TMEM87B: variants seen among roughly 807,000 people sequenced by gnomAD.
The protein encoded by TMEM87B is transmembrane protein 87B.
TMEM87B carries 83 observed loss-of-function variants against 80.3 expected under a neutral mutation model. The observed-to-expected ratio is 1.03, with a 90% CI of 0.87 to 1.24. TMEM87B has a LOEUF of 1.24. Among genes scored for constraint, TMEM87B ranks in the 50% most tolerant of loss-of-function variants. The pLI, the probability that TMEM87B is intolerant of heterozygous loss-of-function variation, is 0.00. For missense variants in TMEM87B, 625 were observed against 674.4 expected, an observed-to-expected ratio of 0.93 and a Z score of 0.81; for synonymous variants, 219 against 230.5, an observed-to-expected ratio of 0.95 and a Z score of 0.45.
chr2:112,089,186 C>T (rs550063684), intron 9 of TMEM87B, among the ~76,000 whole-genome samples: 1 of 152,346 alleles, frequency 6.6e-6, no homozygotes, highest in East Asian at 1.9e-4. Context: ...ATGTCCTGCT[C>T]TTCCTCTGCC....
At chr2:112,106,186 G>A (rs934319570) in intron 16 of TMEM87B, 111 bp downstream of exon 16, 1 of 717,788 alleles carries the variant, frequency 1.4e-6, no homozygotes, top group South Asian at 4.2e-5. Flanking sequence ...TTTTTACTAA[G>A]ATTTTGTTGT....
chr2:112,112,939 A>G lies in TMEM87B; in HGVS notation c.1608+10A>G, dbSNP rs1558854476. The G allele has an allele frequency of 3.7e-6, 6 of 1,610,320 alleles. No homozygotes were observed. Among genetic ancestry groups the G allele is most frequent in the Non-Finnish European group, 4.2e-6 (5 of 1,177,524 alleles). ...AGTGGATTCAGATGAGGTAAAATAT[A>G]TTTTTGCATATTTCCTTGGAGCTGA... On this transcript the variant is annotated intron_variant, in intron 18 of 18. Coordinates refer to ENST00000283206, the MANE Select transcript of TMEM87B (RefSeq NM_032824.3).
rs377223360 is a variant in TMEM87B, at chr2:112,086,041, C to T, written c.875C>T (p.Ala292Val). ...TTGATATTTGCGGAGTTGATTTCTG[C>T]GATTAAGAGGACGTTGGCTCGCCTT... ...GLLIFAELIS[A>V]IKRTLARLLV... Residue 292 changes from alanine (A) to valine (V), a missense_variant, in exon 9 of 19, where the codon GCG becomes GTG. Coordinates refer to ENST00000283206, the MANE Select transcript of TMEM87B (RefSeq NM_032824.3). 59 of 1,613,972 alleles carry T rather than the reference C, an allele frequency of 3.7e-5. No individual in the cohort carries two copies. The highest frequency in any genetic ancestry group is 9.3e-5 in the African/African-American group (7 of 74,906).
intron 11 of TMEM87B, among the ~76,000 whole-genome samples, chr2:112,094,789 C>G (rs997189921): frequency 7.9e-5 from 12 of 152,106 alleles, no homozygotes; most frequent in African/African-American, 2.9e-4. Flanking sequence ...CAAAGGAAGT[C>G]TAGTGTCTAT....
At chr2:112,067,271 A>G (rs1176456863) in intron 4 of TMEM87B, among the ~76,000 whole-genome samples, 2 of 152,176 alleles carry the variant, frequency 1.3e-5, no homozygotes, top group Non-Finnish European at 2.9e-5. Flanking sequence ...TAACTTGTAA[A>G]TTTTTAGGTT....
chr2:112,064,803 C>G (rs1406803321), intron 3 of TMEM87B, among the ~76,000 whole-genome samples: 1 of 152,126 alleles, frequency 6.6e-6, no homozygotes, highest in Non-Finnish European at 1.5e-5. Flanking sequence ...TGATGATTCT[C>G]GTGATAGTTG....
intron 6 of TMEM87B, 133 bp downstream of exon 6, chr2:112,077,415 T>G (rs1678859462): frequency 4.6e-6 from 2 of 435,842 alleles, no homozygotes; most frequent in Non-Finnish European, 8.4e-6. Context: ...TACATTTATT[T>G]TAGATACTTA....
intron 18 of TMEM87B, among the ~76,000 whole-genome samples, chr2:112,113,143 G>GA (rs1415827617): frequency 4.6e-5 from 7 of 152,210 alleles, no homozygotes; most frequent in Non-Finnish European, 8.8e-5. Flanking sequence ...TGGTATGAAG[G>GA]AAATGAAGGG....
chr2:112,112,072 A>G (rs1376095492), intron 17 of TMEM87B, among the ~76,000 whole-genome samples: 1 of 152,124 alleles, frequency 6.6e-6, no homozygotes, highest in East Asian at 1.9e-4. Flanking sequence ...ACACCTAGTC[A>G]GTCTCCTGGC....
chr2:112,080,192 G>A (rs1678948384), intron 6 of TMEM87B, among the ~76,000 whole-genome samples: 1 of 151,840 alleles, frequency 6.6e-6, no homozygotes, highest in East Asian at 1.9e-4. Flanking sequence ...GCCTCCCAAA[G>A]TGCTGGGATT....
At chr2:112,097,014 C>A in intron 11 of TMEM87B, 30 bp from the exon 12 acceptor site, 5 of 1,373,340 alleles carry the variant, frequency 3.6e-6, no homozygotes, top group Non-Finnish European at 5.1e-6. Flanking sequence ...CTTATTATTA[C>A]TTGGAATGTT....
intron 9 of TMEM87B, among the ~76,000 whole-genome samples, chr2:112,088,028 G>A (rs935198228): frequency 1.1e-4 from 16 of 152,170 alleles, no homozygotes; most frequent in East Asian, 9.6e-4. Flanking sequence ...TCCGGCCCCC[G>A]GGGGCCCAGG....
chr2:112,068,504 A>G (rs1219906887), intron 4 of TMEM87B, among the ~76,000 whole-genome samples: 1 of 152,098 alleles, frequency 6.6e-6, no homozygotes, highest in Non-Finnish European at 1.5e-5. Flanking sequence ...GGAGATCGAG[A>G]CCATCCTGGC....
At chr2:112,063,068 G>T (rs1235358588) in intron 2 of TMEM87B, among the ~76,000 whole-genome samples, 2 of 152,176 alleles carry the variant, frequency 1.3e-5, no homozygotes, top group Non-Finnish European at 2.9e-5. Flanking sequence ...GTCTCAGTTT[G>T]GTTTCGCTCT....
intron 2 of TMEM87B, among the ~76,000 whole-genome samples, chr2:112,062,854 C>G (rs542586097): frequency 8.5e-4 from 130 of 152,258 alleles, no homozygotes; most frequent in Non-Finnish European, 8.2e-4. Flanking sequence ...TCCACTCTGG[C>G]TAGTGGAAAC....
intron 17 of TMEM87B, among the ~76,000 whole-genome samples, chr2:112,109,964 C>A (rs1456591184): frequency 6.6e-6 from 1 of 151,954 alleles, no homozygotes; most frequent in African/African-American, 2.4e-5. Context: ...CGGGGTTTCA[C>A]CATGTTGGCC....
At chr2:112,063,009 T>C (rs1340679710) in intron 2 of TMEM87B, among the ~76,000 whole-genome samples, 2 of 152,226 alleles carry the variant, frequency 1.3e-5, no homozygotes, top group African/African-American at 4.8e-5. Flanking sequence ...TCTTGGGTAC[T>C]GTCCCCCAGA....
At chr2:112,107,497 T>C (rs1248000650) in intron 16 of TMEM87B, among the ~76,000 whole-genome samples, 1 of 152,112 alleles carries the variant, frequency 6.6e-6, no homozygotes, top group Non-Finnish European at 1.5e-5. Context: ...CTATTTTCTA[T>C]CTTACAAATG....
At chr2:112,092,283 G>A (rs938867149) in intron 11 of TMEM87B, among the ~76,000 whole-genome samples, 16 of 152,168 alleles carry the variant, frequency 1.1e-4, no homozygotes, top group African/African-American at 3.6e-4. Context: ...AAGAACGGAG[G>A]GGAGCAAATG....
Sources: gnomAD v4.1 joint callset for allele counts (sites outside exome capture counted in the v4.1 genomes callset) on GRCh38, gnomAD v4.1.1 for gene constraint, MANE v1.5 for transcripts, NCBI Gene and HGNC (gene_info 2026-07-23, HGNC 2026-07-21) for gene names.